POC1B: variants seen among roughly 807,000 people sequenced by gnomAD.
POC1B encodes POC1 centriolar protein homolog B.
POC1B carries 44 observed loss-of-function variants against 60.6 expected under a neutral mutation model. The observed-to-expected ratio is 0.73, with a 90% CI of 0.57 to 0.93. The LOEUF is 0.93. POC1B is among the 40% of genes least tolerant of loss of function. The pLI, the probability that POC1B is intolerant of heterozygous loss-of-function variation, is 0.00. For synonymous variants in POC1B, 180 were observed against 198.9 expected (o/e 0.90, Z 0.80); for missense variants, 555 against 572.3 (o/e 0.97, Z 0.31).
intron 4 of POC1B, among the ~76,000 whole-genome samples, chr12:89,487,607 G>T (rs1868708227): frequency 6.6e-6 from 1 of 152,288 alleles, no homozygotes; most frequent in South Asian, 2.1e-4. Flanking sequence ...CTATGGTGCA[G>T]GCAGGCATAT....
chr12:89,520,251 C>T (rs1337646417), intron 2 of POC1B: 3 of 152,042 alleles, frequency 2.0e-5, no homozygotes, highest in Non-Finnish European at 2.9e-5. Flanking sequence ...AATTAAGGTA[C>T]TTTATTTTTA....
chr12:89,460,180 C>A, intron 9 of POC1B: 1 of 189,322 alleles, frequency 5.3e-6, no homozygotes, highest in Admixed American at 5.9e-5. Flanking sequence ...GTCCCAAAAT[C>A]AATATATGAA....
chr12:89,523,752 G>T (rs1871144709), intron 2 of POC1B: 8 of 1,542,292 alleles, frequency 5.2e-6, no homozygotes, highest in African/African-American at 1.4e-5. Flanking sequence ...TCTGCATATA[G>T]AATTCAAAAG....
In POC1B at chr12:89,516,100, T is replaced by C. The variant is rs777063260; in HGVS notation, c.100+9020A>G. 1.7e-4 allele frequency among the ~76,000 whole-genome samples: 26 copies of C among 152,146 alleles called. 1 individual carries two copies. The highest frequency in any genetic ancestry group is 3.5e-4 in the Non-Finnish European group (24 of 68,028). ...TATACTCCAAAGTGGTGCATGATTC[T>C]CTATTAGTTTCTTCCTCCACTCTCT... On this transcript the variant is annotated intron_variant, in intron 2 of 11. Transcript: ENST00000313546.
intron 10 of POC1B, among the ~76,000 whole-genome samples, chr12:89,437,529 C>G (rs1267694939): frequency 6.6e-6 from 1 of 152,154 alleles, no homozygotes; most frequent in Non-Finnish European, 1.5e-5. Flanking sequence ...TCAAGTATCA[C>G]TCACTTTTGG....
intron 1 of POC1B, 54 bp from the exon 2 acceptor site, chr12:89,525,258 C>T: frequency 1.3e-6 from 2 of 1,562,036 alleles, no homozygotes; most frequent in Admixed American, 1.8e-5. Context: ...CGAATTCTGG[C>T]GGCTGGGATC....
intron 10 of POC1B, among the ~76,000 whole-genome samples, chr12:89,449,460 T>C (rs939860946): frequency 2.7e-4 from 41 of 152,180 alleles, no homozygotes; most frequent in African/African-American, 9.2e-4. Context: ...AACATCATGT[T>C]ATACATAAGA....
In POC1B at chr12:89,510,756, T is replaced by G. The variant is rs564042804; in HGVS notation, c.101-13414A>C. On this transcript the variant is annotated intron_variant, in intron 2 of 11. Transcript: ENST00000313546. ...TTCGTCACTGGAGGAAGAAATATGT[T>G]TTTATTCTTTTTTTTTTTTGATATG... 4.8e-5 allele frequency among the ~76,000 whole-genome samples: 4 copies of G among 82,640 alleles called. No individual in the cohort carries two copies. In the South Asian group the frequency reaches 2.1e-3, roughly 43 times the overall value. The allele number at this position is 82,640 out of a possible 152,430, so 54.2% of individuals were successfully genotyped here. A position where few individuals can be genotyped will look rare whatever the true frequency, so the allele number is the denominator to read the frequency against.
chr12:89,489,118 T>C (rs1868805219), intron 4 of POC1B, among the ~76,000 whole-genome samples: 1 of 152,202 alleles, frequency 6.6e-6, no homozygotes, highest in Non-Finnish European at 1.5e-5. Context: ...AAAGTATCTT[T>C]ATAAATTTAG....
At chr12:89,500,369 AAAG>A in intron 2 of POC1B, 3 of 1,503,142 alleles carry the variant, frequency 2.0e-6, no homozygotes, top group Admixed American at 3.4e-5. Flanking sequence ...TTCAAGGAAG[AAAG>A]AAGCCTCTCT....
rs184313237 is a variant in POC1B, at chr12:89,456,173, A to G, written c.1113+3465T>C. Among the ~76,000 whole-genome samples the G allele has an allele frequency of 2.7e-3, 416 of 152,048 alleles. 2 individuals carry two copies. The highest frequency in any genetic ancestry group is 8.3e-3 in the African/African-American group (344 of 41,452). On this transcript the variant is annotated intron_variant, in intron 10 of 11. Transcript: ENST00000313546. ...GTAGCTGGAATTATAAGCGCACACC[A>G]CCACGCCCGGCTAATTTTTGTAGTT...
At chr12:89,461,130 G>A (rs2120810292) in intron 9 of POC1B, 1 of 11,324 alleles carries the variant, frequency 8.8e-5, no homozygotes, top group South Asian at 0.019. Flanking sequence ...TAGCTGATGA[G>A]CTAAAAAAAA....
chr12:89,474,157 G>T (rs891291815), intron 4 of POC1B, among the ~76,000 whole-genome samples: 14 of 151,676 alleles, frequency 9.2e-5, no homozygotes, highest in African/African-American at 3.4e-4. Flanking sequence ...AGTGAGCCGA[G>T]ATTGCACCAC....
intron 4 of POC1B, among the ~76,000 whole-genome samples, chr12:89,476,743 TAGATAGATAGATAGATAGACAGAC>T (rs1035313004): frequency 2.6e-4 from 33 of 129,304 alleles, no homozygotes; most frequent in Non-Finnish European, 4.1e-4. Flanking sequence ...GATAGATAGA[TAGATAGATAGATAGATAGACAGAC>T]AGACAGACAG....
chr12:89,491,853 C>T, intron 4 of POC1B, 83 bp downstream of exon 4: 1 of 1,221,596 alleles, frequency 8.2e-7, no homozygotes, highest in Non-Finnish European at 1.1e-6. Context: ...AATATGTCCT[C>T]AAACCCTTTT....
chr12:89,459,673 G>T lies in POC1B; in HGVS notation c.1078C>A (p.Pro360Thr). Residue 360 changes from proline (P) to threonine (T), a missense_variant, in exon 10 of 12, where the codon CCT (proline) becomes ACT (threonine). Coordinates refer to ENST00000313546, the MANE Select transcript of POC1B (RefSeq NM_172240.3). ...EVIDLQISTP[P>T]VMDILSFDST... is the part of the protein sequence containing the mutation. The stretch of plus-strand genomic sequence containing the variant: ...TCAAAAGAAAGGATATCCATAACAG[G>T]GGGAGTAGAGATCTGCAAATCGATT... 6.5e-7 allele frequency: 1 copy of T among 1,535,952 alleles called. No individual in the cohort carries two copies.
At chr12:89,520,706 A>G (rs1870778288) in intron 2 of POC1B, 1 of 152,216 alleles carries the variant, frequency 6.6e-6, no homozygotes, top group Non-Finnish European at 1.5e-5. Flanking sequence ...ATTTCCTTAA[A>G]TTCAGATTTT....
At chr12:89,467,254 G>C (rs1323533074) in intron 8 of POC1B, among the ~76,000 whole-genome samples, 1 of 151,778 alleles carries the variant, frequency 6.6e-6, no homozygotes, top group African/African-American at 2.4e-5. Flanking sequence ...ATGACTTTTG[G>C]TCATTTCAGA....
chr12:89,404,660 G>A, the POC1B span, among the ~76,000 whole-genome samples: 1 of 152,092 alleles, frequency 6.6e-6, no homozygotes, highest in Non-Finnish European at 1.5e-5. Flanking sequence ...GCTACAACAT[G>A]ACTCTTCCTT....
Sources: allele counts gnomAD v4.1 joint callset (sites outside exome capture counted in the v4.1 genomes callset), GRCh38; gene constraint gnomAD v4.1.1; transcripts MANE v1.5; gene names NCBI Gene and HGNC (gene_info 2026-07-23, HGNC 2026-07-21).